Variants in HEXIM1 observed in about 807,000 individuals in gnomAD.
HEXIM1 encodes protein HEXIM1.
A neutral mutation model predicts 30.3 loss-of-function variants in HEXIM1; 1 was observed. The observed-to-expected ratio is 0.03, with a 90% CI of 0.01 to 0.16. The LOEUF is 0.16. Among genes scored for constraint, HEXIM1 ranks in the 10% least tolerant of loss-of-function variants. The pLI is 1.00. For missense variants in HEXIM1, 391 were observed against 476.4 expected, an observed-to-expected ratio of 0.82 and a Z score of 1.67; for synonymous variants, 245 against 208.3, an observed-to-expected ratio of 1.18 and a Z score of -1.52.
In HEXIM1 at chr17:45,150,015, C is replaced by T. The variant is rs1567918086; in HGVS notation, c.825C>T (p.His275=). 5 of 1,614,098 alleles carry T rather than the reference C, an allele frequency of 3.1e-6. No individual in the cohort carries two copies. Among genetic ancestry groups the T allele is most frequent in the Non-Finnish European group, 4.2e-6 (5 of 1,180,036 alleles). ...RDFSETYERY[H]TESLQNMSKQ... ...TCTCGGAGACGTACGAGCGGTACCA[C>T]ACGGAGAGCCTGCAGAACATGAGCA... Residue 275 remains histidine, a synonymous_variant, in exon 1 of 1, where the codon CAC becomes CAT. Transcript: ENST00000332499.
rs1267115653 is a variant in HEXIM1, at chr17:45,149,830, G to A, written c.640G>A (p.Asp214Asn). 6.2e-7 allele frequency: 1 copy of A among 1,613,626 alleles called. No individual in the cohort carries two copies. Among genetic ancestry groups the A allele is most frequent in the Admixed American group, 1.7e-5 (1 of 60,002 alleles). ...CACGCAGTTCCTCATGGATGATCAC[G>A]ACCAGGAGGAGCCGGATCTCAAAAC... is the stretch of plus-strand genomic sequence containing the variant. The part of the protein sequence containing the change: ...NTTQFLMDDH[D>N]QEEPDLKTGL... The change falls in exon 1 of 1, where the codon GAC becomes AAC. Residue 214 changes from aspartate (D) to asparagine (N), a missense_variant. Physicochemically the swap from Asp to Asn is conservative, Grantham distance 23. Coordinates refer to ENST00000332499, the MANE Select transcript of HEXIM1 (RefSeq NM_006460.3). The surrounding 1 kb of genome is among the most constrained non-coding windows in gnomAD (Gnocchi z 5.3).
chr17:45,150,307 T>TTA lies in HEXIM1; in HGVS notation c.*38_*39insAT. 1 of 1,593,086 alleles carries TTA rather than the reference T, an allele frequency of 6.3e-7. No individual in the cohort carries two copies. On this transcript the variant is annotated 3_prime_UTR_variant, in exon 1 of 1. Coordinates refer to ENST00000332499, the MANE Select transcript of HEXIM1 (RefSeq NM_006460.3). Reference sequence around the variant, plus strand: ...TTTGGGGGAGGGGGCAAAGGGGACTTTTTACAGTGATGGAATGTAACATTA... The same window carrying TTA: ...TTTGGGGGAGGGGGCAAAGGGGACTTTATTTACAGTGATGGAATGTAACATTA...
At position 45,148,758 on chromosome 17, in the gene HEXIM1, G is replaced by T; in HGVS notation, c.-433G>T. 2.5e-6 allele frequency: 1 copy of T among 401,940 alleles called. No individual in the cohort carries two copies. The highest frequency in any genetic ancestry group is 1.2e-4 in the South Asian group (1 of 8,670). The allele number at this position is 401,940 out of a possible 1,614,324, so 24.9% of individuals were successfully genotyped here. ...TAACCCCTTGTGGGCTCTGCGGCAG[G>T]GGATTTAACCCTTTGTGGATCTGGC... On this transcript the variant is annotated 5_prime_UTR_variant, in exon 1 of 1. Coordinates refer to ENST00000332499, the MANE Select transcript of HEXIM1 (RefSeq NM_006460.3).
Position 45,149,112 on chromosome 17 carries a change from T to TC in HEXIM1, c.-79_-78insC, listed in dbSNP as rs1439858728. ...TTGGACTGTTTTTTTTTTCTTTTTC[T>TC]TTTTTTTAAGAAAAACCCATTTTTT... On this transcript the variant is annotated 5_prime_UTR_variant, in exon 1 of 1. Transcript: ENST00000332499. This position sits in a 1 kb window ranked among gnomAD's most constrained non-coding sequence, Gnocchi z 5.3. 176 of 1,321,636 alleles carry TC rather than the reference T, an allele frequency of 1.3e-4. 1 individual carries two copies. In the South Asian group the frequency reaches 2.3e-3, roughly 17 times the overall value. The allele number at this position is 1,321,636 out of a possible 1,614,324, so 81.9% of individuals were successfully genotyped here.
chr17:45,148,820 T>G lies in HEXIM1; in HGVS notation c.-371T>G, dbSNP rs2055523323. 2.5e-6 allele frequency: 1 copy of G among 404,804 alleles called. No individual in the cohort carries two copies. 25.1% of individuals were successfully genotyped at this position (404,804 alleles called of 1,614,324 possible). A position where few individuals can be genotyped will look rare whatever the true frequency, so the allele number is the denominator to read the frequency against. Reference sequence around the variant, plus strand: ...AGCGTCATCGGTAGTTTTAACCCCTTCGGGGCTGGGTTTCACGCACTGGAC... The same window carrying G: ...AGCGTCATCGGTAGTTTTAACCCCTGCGGGGCTGGGTTTCACGCACTGGAC... On this transcript the variant is annotated 5_prime_UTR_variant, in exon 1 of 1. Coordinates refer to ENST00000332499, the MANE Select transcript of HEXIM1 (RefSeq NM_006460.3).
Position 45,148,874 on chromosome 17 carries a change from C to G in HEXIM1, c.-317C>G, listed in dbSNP as rs1197956401. The G allele has an allele frequency of 9.1e-6, 4 of 441,528 alleles. No homozygotes were observed. Among genetic ancestry groups the G allele is most frequent in the Non-Finnish European group, 1.6e-5 (4 of 250,696 alleles). The allele number at this position is 441,528 out of a possible 1,614,324, so 27.4% of individuals were successfully genotyped here. A position where few individuals can be genotyped will look rare whatever the true frequency, so the allele number is the denominator to read the frequency against. On this transcript the variant is annotated 5_prime_UTR_variant, in exon 1 of 1. Transcript: ENST00000332499. ...CCCTCATCACCTTGCTCACCAACTC[C>G]TTTATTGGGGTGCTCCGCTTGGAGG...
Position 45,151,767 on chromosome 17 carries a change from A to G in HEXIM1, c.*1497A>G, listed in dbSNP as rs1321171627. On this transcript the variant is annotated 3_prime_UTR_variant, in exon 1 of 1. Transcript: ENST00000332499. ...CTTGTATGTACATTTTTCTGGGGAG[A>G]AGGTTCAAGAGATTCATAAGATTGT... 1.2e-5 allele frequency: 2 copies of G among 167,052 alleles called. No individual in the cohort carries two copies. The highest frequency in any genetic ancestry group is 4.8e-5 in the African/African-American group (2 of 41,432). 10.3% of individuals were successfully genotyped at this position (167,052 alleles called of 1,614,324 possible). A position where few individuals can be genotyped will look rare whatever the true frequency, so the allele number is the denominator to read the frequency against.
chr17:45,152,099 A>G lies in HEXIM1; in HGVS notation c.*1829A>G, dbSNP rs2055551149. 2 of 166,806 alleles carry G rather than the reference A, an allele frequency of 1.2e-5. No homozygotes were observed. Among genetic ancestry groups the G allele is most frequent in the Admixed American group, 6.6e-5 (1 of 15,248 alleles). The allele number at this position is 166,806 out of a possible 1,614,324, so 10.3% of individuals were successfully genotyped here. The stretch of plus-strand genomic sequence containing the variant: ...AATTATATTAAACATTTATTTTGAA[A>G]TAGTTTTCTTCGTGTTTTTTTCTTC... On this transcript the variant is annotated 3_prime_UTR_variant, in exon 1 of 1. Coordinates refer to ENST00000332499, the MANE Select transcript of HEXIM1 (RefSeq NM_006460.3).
chr17:45,148,597 TGAGCA>T lies in HEXIM1; in HGVS notation c.-583_-579del, dbSNP rs982605629. 4 of 399,042 alleles carry T rather than the reference TGAGCA, an allele frequency of 1.0e-5. No individual in the cohort carries two copies. Among genetic ancestry groups the T allele is most frequent in the African/African-American group, 6.2e-5 (3 of 48,514 alleles). The allele number at this position is 399,042 out of a possible 1,614,324, so 24.7% of individuals were successfully genotyped here. On this transcript the variant is annotated 5_prime_UTR_variant, in exon 1 of 1. Coordinates refer to ENST00000332499, the MANE Select transcript of HEXIM1 (RefSeq NM_006460.3). The stretch of plus-strand genomic sequence containing the variant: ...AAAAGAGGAGGAGGCGGAGGAGAAC[TGAGCA>T]GAGCAGAGCATCGAGCCAAAGGGGA...
At position 45,149,313 on chromosome 17, in the gene HEXIM1, CGAG is replaced by C. The variant is rs762208355; in HGVS notation, c.129_131del (p.Glu43del). The stretch of plus-strand genomic sequence containing the variant: ...CCCCAGGCGCGGAGGAGCGGGTGCC[CGAG>C]GAGGACAGTAGGTGGCAATCGAGAG... On this transcript the variant is annotated inframe_deletion, in exon 1 of 1. Transcript: ENST00000332499. This position sits in a 1 kb window ranked among gnomAD's most constrained non-coding sequence, Gnocchi z 5.3. The C allele has an allele frequency of 4.5e-5, 72 of 1,613,500 alleles. No homozygotes were observed. The highest frequency in any genetic ancestry group is 1.2e-4 in the Admixed American group (7 of 59,986).
At position 45,149,466 on chromosome 17, in the gene HEXIM1, G is replaced by A. The variant is rs2055529290; in HGVS notation, c.276G>A (p.Gln92=). Residue 92 remains glutamine, a synonymous_variant, in exon 1 of 1, where the codon CAG becomes CAA. Coordinates refer to ENST00000332499, the MANE Select transcript of HEXIM1 (RefSeq NM_006460.3). This position sits in a 1 kb window ranked among gnomAD's most constrained non-coding sequence, Gnocchi z 5.3. ...GCCTGAGAGAGGGCGAGAAGGGCCA[G>A]AATGGGGACGACTCGTCCGCTGGCG... ...SSCLREGEKG[Q]NGDDSSAGGD... The A allele has an allele frequency of 1.9e-6, 3 of 1,612,534 alleles. No homozygotes were observed. Among genetic ancestry groups the A allele is most frequent in the South Asian group, 1.1e-5 (1 of 91,058 alleles).
Position 45,151,623 on chromosome 17 carries a change from C to CA in HEXIM1, c.*1354dup, listed in dbSNP as rs1201714485. 10 of 167,220 alleles carry CA rather than the reference C, an allele frequency of 6.0e-5. No homozygotes were observed. Among genetic ancestry groups the CA allele is most frequent in the African/African-American group, 2.4e-4 (10 of 41,578 alleles). The allele number at this position is 167,220 out of a possible 1,614,324, so 10.4% of individuals were successfully genotyped here. Reference sequence around the variant, plus strand: ...ACCCAGTCCTTCACCTGCCCTGTGTCAGTGTCTTCTGAGGGCAATTGCGTT... The same window carrying CA: ...ACCCAGTCCTTCACCTGCCCTGTGTCAAGTGTCTTCTGAGGGCAATTGCGTT... On this transcript the variant is annotated 3_prime_UTR_variant, in exon 1 of 1. Coordinates refer to ENST00000332499, the MANE Select transcript of HEXIM1 (RefSeq NM_006460.3).
At position 45,151,885 on chromosome 17, in the gene HEXIM1, G is replaced by A. The variant is rs2055549760; in HGVS notation, c.*1615G>A. On this transcript the variant is annotated 3_prime_UTR_variant, in exon 1 of 1. Transcript: ENST00000332499. ...CTTTTGCAGTTAAATGGCGATGGTG[G>A]AGGTGATAGGGACTTCAAGAGTAAA... 1 of 167,116 alleles carries A rather than the reference G, an allele frequency of 6.0e-6. No homozygotes were observed. The highest frequency in any genetic ancestry group is 6.5e-5 in the Admixed American group (1 of 15,290). The allele number at this position is 167,116 out of a possible 1,614,324, so 10.4% of individuals were successfully genotyped here.
rs538565184 is a variant in HEXIM1 at position 45,148,737 on chromosome 17, C to T, written c.-454C>T. The T allele has an allele frequency of 6.3e-4, 253 of 401,570 alleles. 1 individual carries two copies. The highest frequency in any genetic ancestry group is 6.3e-3 in the Middle Eastern group (10 of 1,590). 24.9% of individuals were successfully genotyped at this position (401,570 alleles called of 1,614,324 possible). Reference sequence around the variant, plus strand: ...GAGGAGGTGGCGCCGGGACTTTAACCCCTTGTGGGCTCTGCGGCAGGGGAT... The same window carrying T: ...GAGGAGGTGGCGCCGGGACTTTAACTCCTTGTGGGCTCTGCGGCAGGGGAT... On this transcript the variant is annotated 5_prime_UTR_variant, in exon 1 of 1. Coordinates refer to ENST00000332499, the MANE Select transcript of HEXIM1 (RefSeq NM_006460.3).
chr17:45,149,097 T>C lies in HEXIM1; in HGVS notation c.-94T>C. Reference sequence around the variant, plus strand: ...CTGAAGAGGACTCTGTTGGACTGTTTTTTTTTTCTTTTTCTTTTTTTTAAG... The same window carrying C: ...CTGAAGAGGACTCTGTTGGACTGTTCTTTTTTTCTTTTTCTTTTTTTTAAG... On this transcript the variant is annotated 5_prime_UTR_variant, in exon 1 of 1. Transcript: ENST00000332499. This position sits in a 1 kb window ranked among gnomAD's most constrained non-coding sequence, Gnocchi z 5.3. 1 of 1,264,606 alleles carries C rather than the reference T, an allele frequency of 7.9e-7. No individual in the cohort carries two copies. The highest frequency in any genetic ancestry group is 2.5e-5 in the Admixed American group (1 of 40,688). 78.3% of individuals were successfully genotyped at this position (1,264,606 alleles called of 1,614,324 possible).
Position 45,149,504 on chromosome 17 carries a change from C to G in HEXIM1, c.314C>G (p.Pro105Arg). Residue 105 changes from proline (P) to arginine (R), a missense_variant, in exon 1 of 1, where the codon CCG (proline) becomes CGG (arginine). Pro to Arg is a moderately radical substitution (Grantham distance 103). Transcript: ENST00000332499. This position sits in a 1 kb window ranked among gnomAD's most constrained non-coding sequence, Gnocchi z 5.3. Reference sequence around the variant, plus strand: ...TCGTCCGCTGGCGGCGACTTCCCGCCGCCGGCAGAAGTGGAACCGACGCCC... The same window carrying G: ...TCGTCCGCTGGCGGCGACTTCCCGCGGCCGGCAGAAGTGGAACCGACGCCC... Reference protein sequence around the residue: ...DDSSAGGDFPPPAEVEPTPEA... With the variant: ...DDSSAGGDFPRPAEVEPTPEA... The G allele has an allele frequency of 6.2e-7, 1 of 1,609,434 alleles. No homozygotes were observed. Among genetic ancestry groups the G allele is most frequent in the Non-Finnish European group, 8.5e-7 (1 of 1,178,498 alleles).
rs1413051339 is a variant in HEXIM1 at position 45,151,511 on chromosome 17, C to T, written c.*1241C>T. 1 of 167,024 alleles carries T rather than the reference C, an allele frequency of 6.0e-6. No homozygotes were observed. Among genetic ancestry groups the T allele is most frequent in the Non-Finnish European group, 1.5e-5 (1 of 68,124 alleles). 10.3% of individuals were successfully genotyped at this position (167,024 alleles called of 1,614,324 possible). A position where few individuals can be genotyped will look rare whatever the true frequency, so the allele number is the denominator to read the frequency against. On this transcript the variant is annotated 3_prime_UTR_variant, in exon 1 of 1. Transcript: ENST00000332499. ...CTGCTTAGGTTCTTGAGTAGTTCTG[C>T]TCTTAAACGTAGGGAGGCCCTGAGA...
chr17:45,150,615 A>C lies in HEXIM1; in HGVS notation c.*345A>C, dbSNP rs1314001185. 4.7e-6 allele frequency: 1 copy of C among 211,318 alleles called. No homozygotes were observed. Among genetic ancestry groups the C allele is most frequent in the Non-Finnish European group, 1.0e-5 (1 of 96,796 alleles). 13.1% of individuals were successfully genotyped at this position (211,318 alleles called of 1,614,324 possible). A position where few individuals can be genotyped will look rare whatever the true frequency, so the allele number is the denominator to read the frequency against. On this transcript the variant is annotated 3_prime_UTR_variant, in exon 1 of 1. Coordinates refer to ENST00000332499, the MANE Select transcript of HEXIM1 (RefSeq NM_006460.3). ...GCCAAATCTGAGAACAATTAAATTC[A>C]TTTTAGTTATAATAAATTTAATATT...
chr17:45,150,937 C>CG lies in HEXIM1; in HGVS notation c.*667_*668insG, dbSNP rs1228402556. 6.0e-6 allele frequency: 1 copy of CG among 166,968 alleles called. No homozygotes were observed. The highest frequency in any genetic ancestry group is 1.5e-5 in the Non-Finnish European group (1 of 68,096). The allele number at this position is 166,968 out of a possible 1,614,324, so 10.3% of individuals were successfully genotyped here. A position where few individuals can be genotyped will look rare whatever the true frequency, so the allele number is the denominator to read the frequency against. Reference sequence around the variant, plus strand: ...TCTTGATGCTGGAAAAATAAACAAACCGGTATTGAGTGTTTAGGCGAGTGG... The same window carrying CG: ...TCTTGATGCTGGAAAAATAAACAAACGCGGTATTGAGTGTTTAGGCGAGTGG... On this transcript the variant is annotated 3_prime_UTR_variant, in exon 1 of 1. Coordinates refer to ENST00000332499, the MANE Select transcript of HEXIM1 (RefSeq NM_006460.3).
Sources: allele counts gnomAD v4.1 joint callset, GRCh38; gene constraint gnomAD v4.1.1; non-coding constraint Gnocchi (gnomAD v3.1); transcripts MANE v1.5; gene names NCBI Gene and HGNC (gene_info 2026-07-23, HGNC 2026-07-21).